REEP1: variants seen among roughly 807,000 people sequenced by gnomAD.
REEP1 encodes the protein receptor expression-enhancing protein 1.
Under a neutral mutation model 40.3 loss-of-function variants are expected in REEP1, and 22 were observed. That is an observed-to-expected ratio of 0.55 (90% CI 0.39 to 0.78). REEP1 has a LOEUF of 0.78. Among genes scored for constraint, REEP1 ranks in the 30% least tolerant of loss-of-function variants. The pLI is 0.00. For missense variants in REEP1, 280 were observed against 361.1 expected (o/e 0.78, Z 1.82); for synonymous variants, 116 against 139.2 (o/e 0.83, Z 1.17).
rs1389860030 is a variant in REEP1, at chr2:86,219,606, C to T, written c.783+364G>A. Among the ~76,000 whole-genome samples the T allele has an allele frequency of 2.0e-5, 3 of 152,030 alleles. No individual in the cohort carries two copies. In the East Asian group the frequency reaches 5.8e-4, roughly 29 times the overall value. On this transcript the variant is annotated intron_variant, in intron 8 of 8. Transcript: ENST00000538924. ...GACTACAGGTGCGCGCCACTACACCCGGCTAATTTTTGTATTTTCAGTAGA... is the reference window on the plus strand; with the variant it reads ...GACTACAGGTGCGCGCCACTACACCTGGCTAATTTTTGTATTTTCAGTAGA...
At chr2:86,321,607 C>T (rs779313645) in intron 1 of REEP1, among the ~76,000 whole-genome samples, 15 of 152,100 alleles carry the variant, frequency 9.9e-5, no homozygotes, top group Non-Finnish European at 1.8e-4. Flanking sequence ...GAAAAAACAA[C>T]TTCATGACCA....
chr2:86,301,666 A>C (rs1679261297), intron 1 of REEP1, among the ~76,000 whole-genome samples: 1 of 152,242 alleles, frequency 6.6e-6, no homozygotes, highest in Admixed American at 6.5e-5. Flanking sequence ...TTTATGAGAG[A>C]GCATCCTCAC....
intron 1 of REEP1, among the ~76,000 whole-genome samples, chr2:86,327,447 G>A (rs1387218288): frequency 6.6e-6 from 1 of 152,116 alleles, no homozygotes; most frequent in Non-Finnish European, 1.5e-5. Context: ...GCAAGGTAAG[G>A]TCAGAGCGTG....
chr2:86,231,546 T>C (rs1675017722), intron 6 of REEP1, among the ~76,000 whole-genome samples: 1 of 152,168 alleles, frequency 6.6e-6, no homozygotes. Flanking sequence ...ATGGGGCTTA[T>C]GGCCAAGGTG....
At chr2:86,298,741 A>G (rs754808169) in intron 1 of REEP1, among the ~76,000 whole-genome samples, 2 of 152,260 alleles carry the variant, frequency 1.3e-5, no homozygotes, top group Admixed American at 6.5e-5. Context: ...GGCCAGCAGA[A>G]TAGTCATGGA....
rs1558891883 is a variant in REEP1 at position 86,254,817 on chromosome 2, GGA to G, written c.183-5_183-4del. ...TTAGTTCATAATAGAATGGAAACCTGGAGAGAGAGATGAAAACACAAGTTCTG... is the reference window on the plus strand; with the variant it reads ...TTAGTTCATAATAGAATGGAAACCTGGAGAGAGATGAAAACACAAGTTCTG... On this transcript the variant is annotated splice_region_variant and splice_polypyrimidine_tract_variant and intron_variant, in intron 3 of 8. Coordinates refer to ENST00000538924, the MANE Select transcript of REEP1 (RefSeq NM_001371279.1). 2 of 1,613,878 alleles carry G rather than the reference GGA, an allele frequency of 1.2e-6. No individual in the cohort carries two copies. The highest frequency in any genetic ancestry group is 2.2e-5 in the East Asian group (1 of 44,882).
chr2:86,255,149 G>T, intron 3 of REEP1: 1 of 257,192 alleles, frequency 3.9e-6, no homozygotes. Flanking sequence ...TGGAGCTAGG[G>T]TTCTGGCCAC....
Position 86,337,442 on chromosome 2 carries a change from G to A in REEP1, c.32+37C>T, listed in dbSNP as rs1269978510. 1 of 1,225,652 alleles carries A rather than the reference G, an allele frequency of 8.2e-7. No homozygotes were observed. Among genetic ancestry groups the A allele is most frequent in the Non-Finnish European group, 1.0e-6 (1 of 975,342 alleles). The allele number at this position is 1,225,652 out of a possible 1,614,324, so 75.9% of individuals were successfully genotyped here. A position where few individuals can be genotyped will look rare whatever the true frequency, so the allele number is the denominator to read the frequency against. Reference sequence around the variant, plus strand: ...CAGCCCGGGGCCGGGGGCGGGGAGGGAGGGGACGGAGGGGCGCGGGGGAGA... The same window carrying A: ...CAGCCCGGGGCCGGGGGCGGGGAGGAAGGGGACGGAGGGGCGCGGGGGAGA... On this transcript the variant is annotated intron_variant, in intron 1 of 8. Transcript: ENST00000538924. The surrounding 1 kb of genome is among the most constrained non-coding windows in gnomAD (Gnocchi z 5.8).
chr2:86,330,414 GGTGTGTGTGTGTGTGTGTGTGT>G (rs55660803), intron 1 of REEP1, among the ~76,000 whole-genome samples: 4 of 127,882 alleles, frequency 3.1e-5, no homozygotes, highest in African/African-American at 8.7e-5. Context: ...AGTGAATCCT[GGTGTGTGTGTGTGTGTGTGTGT>G]GTGTGTGTGT....
chr2:86,310,236 T>A (rs1194528547), intron 1 of REEP1, among the ~76,000 whole-genome samples: 1 of 152,236 alleles, frequency 6.6e-6, no homozygotes, highest in Admixed American at 6.5e-5. Flanking sequence ...GAGGCTGGAC[T>A]TGCTCAGAGC....
At chr2:86,226,647 A>C in intron 7 of REEP1, among the ~76,000 whole-genome samples, 1 of 104,488 alleles carries the variant, frequency 9.6e-6, no homozygotes, top group Non-Finnish European at 1.8e-5. Flanking sequence ...TTTTTTTTTT[A>C]ATTGTAGAGA....
At chr2:86,332,543 C>T (rs1339399271) in intron 1 of REEP1, among the ~76,000 whole-genome samples, 2 of 151,886 alleles carry the variant, frequency 1.3e-5, no homozygotes, top group Non-Finnish European at 2.9e-5. Context: ...GGACCTGAGT[C>T]CCCCTTCCCT....
intron 5 of REEP1, among the ~76,000 whole-genome samples, chr2:86,250,551 C>T (rs943253160): frequency 2.0e-5 from 3 of 152,152 alleles, no homozygotes; most frequent in African/African-American, 7.2e-5. Context: ...AATTTCCCTT[C>T]CAAAGATACT....
intron 1 of REEP1, among the ~76,000 whole-genome samples, chr2:86,333,261 A>T (rs963776372): frequency 2.6e-5 from 4 of 152,198 alleles, no homozygotes; most frequent in Admixed American, 6.5e-5. Flanking sequence ...CAGTTGGGGA[A>T]CATCTTGAGG....
At chr2:86,335,574 G>A (rs1397412269) in intron 1 of REEP1, among the ~76,000 whole-genome samples, 1 of 152,110 alleles carries the variant, frequency 6.6e-6, no homozygotes, top group Non-Finnish European at 1.5e-5. Context: ...GGAGGAGCCG[G>A]GCGTGGTAGC....
chr2:86,291,544 C>T (rs1300723521), intron 1 of REEP1, among the ~76,000 whole-genome samples: 1 of 152,144 alleles, frequency 6.6e-6, no homozygotes, highest in Non-Finnish European at 1.5e-5. Context: ...CACAACTCTT[C>T]CTTGGGTAAC....
At chr2:86,328,381 C>A (rs1401806458) in intron 1 of REEP1, among the ~76,000 whole-genome samples, 1 of 152,158 alleles carries the variant, frequency 6.6e-6, no homozygotes, top group Non-Finnish European at 1.5e-5. Flanking sequence ...GGCAGCCAAT[C>A]TGTGAAAGTA....
intron 1 of REEP1, among the ~76,000 whole-genome samples, chr2:86,309,976 G>A (rs1484759057): frequency 6.6e-6 from 1 of 152,212 alleles, no homozygotes; most frequent in African/African-American, 2.4e-5. Context: ...AAGTGGAGAG[G>A]GCAGGTCGTG....
chr2:86,331,060 G>A lies in REEP1; in HGVS notation c.32+6419C>T, dbSNP rs142568637. Among the ~76,000 whole-genome samples the A allele has an allele frequency of 2.6e-3, 395 of 152,302 alleles. 3 individuals are homozygous for A. Among genetic ancestry groups the A allele is most frequent in the African/African-American group, 9.0e-3 (372 of 41,556 alleles). ...GAGCAACCAGAACCAAGATTCTCTT[G>A]TGCCAGCCTCTTTCTCTCACCCAAG... On this transcript the variant is annotated intron_variant, in intron 1 of 8. Coordinates refer to ENST00000538924, the MANE Select transcript of REEP1 (RefSeq NM_001371279.1).
Sources: allele counts gnomAD v4.1 joint callset (sites outside exome capture counted in the v4.1 genomes callset), GRCh38; gene constraint gnomAD v4.1.1; non-coding constraint Gnocchi (gnomAD v3.1); transcripts MANE v1.5; gene names NCBI Gene and HGNC (gene_info 2026-07-23, HGNC 2026-07-21).